Variants in LAMA5 observed in about 807,000 individuals in gnomAD.
LAMA5 encodes the protein laminin subunit alpha-5.
Under a neutral mutation model 433.4 loss-of-function variants are expected in LAMA5, and 260 were observed. The ratio of observed to expected loss-of-function variants is 0.60; its 90% confidence interval spans 0.54 to 0.66. LAMA5 has a LOEUF of 0.66. LAMA5 is among the 30% of genes least tolerant of loss of function. The probability of loss-of-function intolerance (pLI) is 0.00; values close to 1 mark genes in which losing one functional copy is unlikely to be tolerated. For missense variants in LAMA5, 5,378 were observed against 5,258.5 expected, an observed-to-expected ratio of 1.02 and a Z score of -0.70; for synonymous variants, 2,620 against 2,226.6, an observed-to-expected ratio of 1.18 and a Z score of -4.97.
chr20:62,320,733 C>T lies in LAMA5; in HGVS notation c.6648+6G>A. 6.2e-7 allele frequency: 1 copy of T among 1,612,578 alleles called. No individual in the cohort carries two copies. The highest frequency in any genetic ancestry group is 8.5e-7 in the Non-Finnish European group (1 of 1,179,860). ...GTTGGGGAGGGAAGGCCAGGACGCT[C>T]AGTACCTGCAGGTCAGCGATGGAGG... On this transcript the variant is annotated splice_donor_region_variant and intron_variant, in intron 49 of 79. Coordinates refer to ENST00000252999, the MANE Select transcript of LAMA5 (RefSeq NM_005560.6).
chr20:62,337,235 C>T (rs961169106), intron 16 of LAMA5, among the ~76,000 whole-genome samples: 1 of 152,150 alleles, frequency 6.6e-6, no homozygotes, highest in African/African-American at 2.4e-5. Context: ...ACATGCGACA[C>T]GCAACACATG....
Position 62,311,223 on chromosome 20 carries a change from A to G in LAMA5, c.10027T>C (p.Phe3343Leu). The G allele has an allele frequency of 1.2e-6, 2 of 1,609,838 alleles. No individual in the cohort carries two copies. Among genetic ancestry groups the G allele is most frequent in the Non-Finnish European group, 1.7e-6 (2 of 1,178,814 alleles). Residue 3343 changes from phenylalanine (F) to leucine (L), a missense_variant, in exon 73 of 80, where the codon TTT (phenylalanine) becomes CTT (leucine). Phe to Leu is a conservative substitution (Grantham distance 22). Transcript: ENST00000252999. ...AGGTGACTGGACAGGGAACCCCCAA[A>G]CTGGTAGGAGTCTCGGGTGGTCCTG... is the stretch of plus-strand genomic sequence containing the variant. ...HLRTTRDSYQ[F>L]GGSLSSHLEF...
chr20:62,330,531 G>T lies in LAMA5; in HGVS notation c.3936C>A (p.Thr1312=). ...LLHGYQPAHP[T]FPVEVLINAG... is the part of the protein sequence containing the mutation. ...CGTTGATGAGGACTTCCACGGGGAAGGTGGGGTGGGCTGGCTGGTAGCCGT... is the reference window on the plus strand; with the variant it reads ...CGTTGATGAGGACTTCCACGGGGAATGTGGGGTGGGCTGGCTGGTAGCCGT... Residue 1312 remains threonine (T), a synonymous_variant, in exon 31 of 80, where the codon ACC becomes ACA. Coordinates refer to ENST00000252999, the MANE Select transcript of LAMA5 (RefSeq NM_005560.6). The T allele has an allele frequency of 6.3e-7, 1 of 1,578,100 alleles. No homozygotes were observed. Among genetic ancestry groups the T allele is most frequent in the East Asian group, 2.3e-5 (1 of 43,704 alleles).
chr20:62,310,902 C>T lies in LAMA5; in HGVS notation c.10281G>A (p.Lys3427=), dbSNP rs746073284. ...CACCTTCCTTCTTCTCGGCCCTCAC[C>T]TTGTGCCAGCGGCCAGGCCGGGAGC... The part of the protein sequence containing the change: ...RQRSRPGRWH[K]VSVRWEKNRI... Residue 3427 remains lysine, a splice_region_variant and synonymous_variant, in exon 74 of 80, where the codon AAG becomes AAA. Coordinates refer to ENST00000252999, the MANE Select transcript of LAMA5 (RefSeq NM_005560.6). 3.1e-6 allele frequency: 5 copies of T among 1,610,028 alleles called. No individual in the cohort carries two copies. The highest frequency in any genetic ancestry group is 1.3e-5 in the African/African-American group (1 of 74,878).
rs6089728 is a variant in LAMA5, at chr20:62,312,017, G to A, written c.9538C>T (p.Arg3180Cys). 54 of 1,612,470 alleles carry A rather than the reference G, an allele frequency of 3.3e-5. No homozygotes were observed. Among genetic ancestry groups the A allele is most frequent in the Admixed American group, 5.0e-5 (3 of 59,976 alleles). ...GLCQVSLQQGRVSLQLLRTEV... is the reference protein window; with the variant it reads ...GLCQVSLQQGCVSLQLLRTEV... ...GTCCTCAGGAGCTGTAGGCTCACACGGCCCTGCTGCAGGGACACCTGGCAT... is the reference window on the plus strand; with the variant it reads ...GTCCTCAGGAGCTGTAGGCTCACACAGCCCTGCTGCAGGGACACCTGGCAT... Residue 3180 changes from arginine (R) to cysteine (C), a missense_variant, in exon 70 of 80, where the codon CGT (arginine) becomes TGT (cysteine). By Grantham distance (180) the Arg-to-Cys change is radical. Coordinates refer to ENST00000252999, the MANE Select transcript of LAMA5 (RefSeq NM_005560.6).
chr20:62,330,679 C>A, intron 30 of LAMA5, 64 bp downstream of exon 30: 2 of 1,560,256 alleles, frequency 1.3e-6, no homozygotes, highest in Non-Finnish European at 1.7e-6. Context: ...GGACAACCTG[C>A]CCTGGGTTGG....
intron 38 of LAMA5, 41 bp from the exon 39 acceptor site, chr20:62,327,007 G>C: frequency 6.9e-7 from 1 of 1,445,486 alleles, no homozygotes; most frequent in Non-Finnish European, 9.6e-7. Flanking sequence ...CCAGACTCTG[G>C]CCACAGGCTC....
intron 54 of LAMA5, 25 bp downstream of exon 54, chr20:62,317,637 G>T: frequency 6.5e-7 from 1 of 1,532,672 alleles, no homozygotes; most frequent in South Asian, 1.2e-5. Context: ...ATGGGGTGGC[G>T]ACAGGGGCCA....
intron 11 of LAMA5, among the ~76,000 whole-genome samples, chr20:62,345,069 G>A (rs924294596): frequency 6.6e-6 from 1 of 152,144 alleles, no homozygotes; most frequent in Non-Finnish European, 1.5e-5. Context: ...CCAGGCGGGG[G>A]TGCAGTGGTG....
intron 2 of LAMA5, among the ~76,000 whole-genome samples, chr20:62,353,710 G>C (rs1299056027): frequency 6.6e-6 from 1 of 152,112 alleles, no homozygotes; most frequent in Non-Finnish European, 1.5e-5. Context: ...CCTGCCACCA[G>C]GCAGGTCCAA....
In LAMA5 at chr20:62,310,136, G is replaced by A. The variant is rs919380536; in HGVS notation, c.10734+42C>T. The A allele has an allele frequency of 3.1e-6, 5 of 1,611,484 alleles. No homozygotes were observed. In the African/African-American group the frequency reaches 4.0e-5, roughly 13 times the overall value. On this transcript the variant is annotated intron_variant, in intron 77 of 79. Coordinates refer to ENST00000252999, the MANE Select transcript of LAMA5 (RefSeq NM_005560.6). ...ATGCCCCCGAGGTCACCAGAATGGG[G>A]AGGCAAACCCTGCCCTGGCACGCCA...
Position 62,359,997 on chromosome 20 carries a change from G to A in LAMA5, c.450+2403C>T, listed in dbSNP as rs940277774. Among the ~76,000 whole-genome samples, 11 of 145,346 alleles carry A rather than the reference G, an allele frequency of 7.6e-5. No homozygotes were observed. The East Asian group carries it at 1.1e-3, about 14-fold the overall frequency. On this transcript the variant is annotated intron_variant, in intron 2 of 79. Coordinates refer to ENST00000252999, the MANE Select transcript of LAMA5 (RefSeq NM_005560.6). The surrounding 1 kb of genome is among the most constrained non-coding windows in gnomAD (Gnocchi z 4.3). ...CCAGAACAAAGGCTGCTGGCAGCCC[G>A]CTGCAGGGGGAGTGCCCGGACCCAC...
intron 2 of LAMA5, among the ~76,000 whole-genome samples, chr20:62,354,165 C>A (rs1984797595): frequency 6.6e-6 from 1 of 152,086 alleles, no homozygotes; most frequent in Admixed American, 6.5e-5. Context: ...GACAGCCTGG[C>A]TCAGTCTTCA....
Position 62,316,012 on chromosome 20 carries a change from C to A in LAMA5, c.7803G>T (p.Arg2601=), listed in dbSNP as rs376114121. 6.2e-7 allele frequency: 1 copy of A among 1,609,922 alleles called. No homozygotes were observed. The highest frequency in any genetic ancestry group is 8.5e-7 in the Non-Finnish European group (1 of 1,179,588). The change falls in exon 58 of 80, where the codon CGG becomes CGT. Residue 2601 remains arginine (R), a synonymous_variant. Coordinates refer to ENST00000252999, the MANE Select transcript of LAMA5 (RefSeq NM_005560.6). The part of the protein sequence containing the change: ...QGARTQLRDV[R]AKKDQLEAHI... ...GCGCCTCCAGCTGGTCCTTCTTGGC[C>A]CGGACATCTCGGAGCTGGGTCCTGG...
chr20:62,344,339 T>C (rs1983040164), intron 11 of LAMA5, among the ~76,000 whole-genome samples: 1 of 151,956 alleles, frequency 6.6e-6, no homozygotes, highest in South Asian at 2.1e-4. Context: ...TGGCTCTGAC[T>C]TGAGAATATT....
In LAMA5 at chr20:62,330,760, G is replaced by A; in HGVS notation, c.3835C>T (p.Leu1279=). 4.5e-6 allele frequency: 7 copies of A among 1,562,228 alleles called. No individual in the cohort carries two copies. The highest frequency in any genetic ancestry group is 6.1e-6 in the Non-Finnish European group (7 of 1,154,068). Residue 1279 remains leucine, a synonymous_variant, in exon 30 of 80, where the codon CTG becomes TTG. Coordinates refer to ENST00000252999, the MANE Select transcript of LAMA5 (RefSeq NM_005560.6). ...GCCCTCACCTGGGGCTCACGCAGCA[G>A]GGTGGGCTCTGCATCAGGGTCCACA... ...TAVDPDAEPT[L]LREPQATVVF...
rs542820231 is a variant in LAMA5, at chr20:62,324,426, C to T, written c.5643+15G>A. On this transcript the variant is annotated intron_variant, in intron 42 of 79. Transcript: ENST00000252999. The surrounding 1 kb of genome is among the most constrained non-coding windows in gnomAD (Gnocchi z 4.4). The stretch of plus-strand genomic sequence containing the variant: ...AGTGAATGCTGCCCCCCTGGCCCCA[C>T]CAGCCCCTACTCACCACACAGACGC... 2.2e-5 allele frequency: 35 copies of T among 1,597,256 alleles called. No individual in the cohort carries two copies. Among genetic ancestry groups the T allele is most frequent in the Non-Finnish European group, 2.7e-5 (31 of 1,167,878 alleles).
rs776250206 is a variant in LAMA5 at position 62,327,251 on chromosome 20, G to A, written c.5094C>T (p.Pro1698=). 3.3e-6 allele frequency: 5 copies of A among 1,525,162 alleles called. No homozygotes were observed. The highest frequency in any genetic ancestry group is 4.4e-6 in the Non-Finnish European group (5 of 1,138,306). 94.5% of individuals were successfully genotyped at this position (1,525,162 alleles called of 1,614,324 possible). A position where few individuals can be genotyped will look rare whatever the true frequency, so the allele number is the denominator to read the frequency against. The change falls in exon 38 of 80, where the codon CCC becomes CCT. Residue 1698 remains proline, a synonymous_variant. Transcript: ENST00000252999. ...TGCTTACCCGGTCCCCCAGGTAGGA[G>A]GGTGGGGCCTGCCAGTACAGCTCGG... is the stretch of plus-strand genomic sequence containing the variant. The part of the protein sequence containing the change: ...AFPELYWQAP[P]SYLGDRVSSY...
chr20:62,327,791 C>T (rs932384303), intron 36 of LAMA5, 75 bp downstream of exon 36: 33 of 1,569,972 alleles, frequency 2.1e-5, no homozygotes, highest in African/African-American at 1.1e-4. Flanking sequence ...CCAGCTGCCC[C>T]GAAAGGCCCG....
Sources: allele counts gnomAD v4.1 joint callset (sites outside exome capture counted in the v4.1 genomes callset), GRCh38; gene constraint gnomAD v4.1.1; non-coding constraint Gnocchi (gnomAD v3.1); transcripts MANE v1.5; gene names NCBI Gene and HGNC (gene_info 2026-07-23, HGNC 2026-07-21).